The following SETD3 variants were observed in gnomAD, a reference collection of about 807,000 sequenced individuals.
SETD3 encodes actin-histidine N-methyltransferase.
Under a neutral mutation model 63.0 loss-of-function variants are expected in SETD3, and 19 were observed. The observed-to-expected ratio is 0.30, with a 90% CI of 0.21 to 0.44. The LOEUF (loss-of-function observed/expected upper bound fraction) is 0.44, where lower values mean the gene tolerates loss of function less well. SETD3 is among the 20% of genes least tolerant of loss of function. The pLI is 1.00. For synonymous variants in SETD3, 286 were observed against 264.1 expected (o/e 1.08, Z -0.80); for missense variants, 587 against 728.5 (o/e 0.81, Z 2.24).
At chr14:99,399,602 A>G (rs1595135136) in intron 12 of SETD3, among the ~76,000 whole-genome samples, 2 of 152,368 alleles carry the variant, frequency 1.3e-5, no homozygotes, top group South Asian at 4.1e-4. Flanking sequence ...ATAAAAAAGT[A>G]TTGAATAATC....
chr14:99,425,116 T>C (rs1487485414), intron 6 of SETD3, among the ~76,000 whole-genome samples: 1 of 152,164 alleles, frequency 6.6e-6, no homozygotes, highest in African/African-American at 2.4e-5. Context: ...TTCTTTTAAA[T>C]TAAACTGCAC....
chr14:99,442,301 ACTGAGTG>A (rs1191014928), intron 6 of SETD3, among the ~76,000 whole-genome samples: 1 of 152,228 alleles, frequency 6.6e-6, no homozygotes, highest in Non-Finnish European at 1.5e-5. Flanking sequence ...TGTTTTGGCT[ACTGAGTG>A]CTTTATTCAT....
chr14:99,430,658 G>A lies in SETD3; in HGVS notation c.676-16724C>T, dbSNP rs540559012. ...AGGGAGTTTGCTCTCAGGCCTCTAG[G>A]GGCTCACGTGGCGCCACTGAGGAAA... is the stretch of plus-strand genomic sequence containing the variant. On this transcript the variant is annotated intron_variant, in intron 6 of 12. Coordinates refer to ENST00000331768, the MANE Select transcript of SETD3 (RefSeq NM_032233.3). Among the ~76,000 whole-genome samples, 37 of 152,236 alleles carry A rather than the reference G, an allele frequency of 2.4e-4. No homozygotes were observed. The South Asian group carries it at 7.3e-3, about 30-fold the overall frequency.
intron 6 of SETD3, among the ~76,000 whole-genome samples, chr14:99,448,552 T>C (rs545374927): frequency 1.3e-5 from 2 of 152,308 alleles, no homozygotes; most frequent in South Asian, 2.1e-4. Flanking sequence ...CTATGCCCCA[T>C]AATATCTACC....
rs114979569 is a variant in SETD3 at position 99,437,662 on chromosome 14, T to G, written c.675+20617A>C. 9.3e-3 allele frequency among the ~76,000 whole-genome samples: 1,415 copies of G among 152,292 alleles called. 25 individuals are homozygous for G. Among genetic ancestry groups the G allele is most frequent in the African/African-American group, 0.033 (1,351 of 41,556 alleles). On this transcript the variant is annotated intron_variant, in intron 6 of 12. Coordinates refer to ENST00000331768, the MANE Select transcript of SETD3 (RefSeq NM_032233.3). The stretch of plus-strand genomic sequence containing the variant: ...GTGTGACTGTGTGATATGATGTGTG[T>G]GCGTGCCTGTACGTGTATACGTGTG...
chr14:99,430,186 G>T (rs568621173), intron 6 of SETD3, among the ~76,000 whole-genome samples: 2 of 152,326 alleles, frequency 1.3e-5, no homozygotes, highest in East Asian at 3.9e-4. Context: ...AGTAAAGAAA[G>T]ATCTCTGCTC....
Position 99,454,745 on chromosome 14 carries a change from G to A in SETD3, c.675+3534C>T, listed in dbSNP as rs368762093. ...ATACGGGAAGGAAGGCGCGGAGACC[G>A]GCCCAAAATGGCACAGTTCTAAGTG... On this transcript the variant is annotated intron_variant, in intron 6 of 12. Coordinates refer to ENST00000331768, the MANE Select transcript of SETD3 (RefSeq NM_032233.3). 3.2e-4 allele frequency among the ~76,000 whole-genome samples: 27 copies of A among 85,450 alleles called. No homozygotes were observed. In the East Asian group the frequency reaches 6.7e-3, roughly 21 times the overall value. 56.1% of individuals were successfully genotyped at this position (85,450 alleles called of 152,430 possible).
chr14:99,454,910 T>TA (rs1894671864), intron 6 of SETD3, among the ~76,000 whole-genome samples: 1 of 152,242 alleles, frequency 6.6e-6, no homozygotes, highest in African/African-American at 2.4e-5. Context: ...CCACAGGTGC[T>TA]ATGGCACCAG....
At position 99,421,135 on chromosome 14, in the gene SETD3, T is replaced by C. The variant is rs905824007; in HGVS notation, c.676-7201A>G. Among the ~76,000 whole-genome samples, 59 of 147,426 alleles carry C rather than the reference T, an allele frequency of 4.0e-4. 1 individual carries two copies. Among genetic ancestry groups the C allele is most frequent in the Non-Finnish European group, 7.4e-4 (50 of 67,308 alleles). ...ACGATGACCAAGCCTCATTCTCTGG[T>C]CTGCAAAAAGTCAACTCCACCAATC... is the stretch of plus-strand genomic sequence containing the variant. On this transcript the variant is annotated intron_variant, in intron 6 of 12. Coordinates refer to ENST00000331768, the MANE Select transcript of SETD3 (RefSeq NM_032233.3).
At chr14:99,450,609 A>G (rs1484418766) in intron 6 of SETD3, among the ~76,000 whole-genome samples, 1 of 152,182 alleles carries the variant, frequency 6.6e-6, no homozygotes, top group Non-Finnish European at 1.5e-5. Context: ...CTCCATCCTG[A>G]AGCATAAGGC....
At chr14:99,447,547 C>A (rs1391038060) in intron 6 of SETD3, among the ~76,000 whole-genome samples, 1 of 152,140 alleles carries the variant, frequency 6.6e-6, no homozygotes, top group Non-Finnish European at 1.5e-5. Flanking sequence ...ACACACTGAA[C>A]ACAAATTAAT....
chr14:99,458,429 A>G lies in SETD3; in HGVS notation c.525T>C (p.Tyr175=). 2 of 1,614,164 alleles carry G rather than the reference A, an allele frequency of 1.2e-6. No individual in the cohort carries two copies. Among genetic ancestry groups the G allele is most frequent in the Non-Finnish European group, 1.7e-6 (2 of 1,180,034 alleles). ...RASPNSFWQP[Y]IQTLPSEYDT... ...CATATTCACTGGGGAGGGTTTGAAT[A>G]TAGGGCTGCCAGAAGGAGTTAGGGC... Residue 175 remains tyrosine, a synonymous_variant, in exon 6 of 13, where the codon TAT becomes TAC. Coordinates refer to ENST00000331768, the MANE Select transcript of SETD3 (RefSeq NM_032233.3).
At chr14:99,450,112 A>G (rs1213222419) in intron 6 of SETD3, among the ~76,000 whole-genome samples, 1 of 152,198 alleles carries the variant, frequency 6.6e-6, no homozygotes, top group Non-Finnish European at 1.5e-5. Context: ...TATATAAAGC[A>G]TATGTGTATT....
intron 6 of SETD3, among the ~76,000 whole-genome samples, chr14:99,434,128 G>C (rs1893338437): frequency 6.6e-6 from 1 of 152,192 alleles, no homozygotes; most frequent in African/African-American, 2.4e-5. Flanking sequence ...AGCTTCACTT[G>C]TAATAGCCAA....
At position 99,413,860 on chromosome 14, in the gene SETD3, C is replaced by T. The variant is rs1483834811; in HGVS notation, c.734+16G>A. 2 of 1,613,812 alleles carry T rather than the reference C, an allele frequency of 1.2e-6. No individual in the cohort carries two copies. The highest frequency in any genetic ancestry group is 8.5e-7 in the Non-Finnish European group (1 of 1,179,696). On this transcript the variant is annotated intron_variant, in intron 7 of 12. Coordinates refer to ENST00000331768, the MANE Select transcript of SETD3 (RefSeq NM_032233.3). ...ACCACCCTCAATACACAGACACACT[C>T]ACAGCCCACACCAACCTGTAGTCCT...
At chr14:99,457,319 T>G (rs1595245624) in intron 6 of SETD3, among the ~76,000 whole-genome samples, 1 of 152,258 alleles carries the variant, frequency 6.6e-6, no homozygotes, top group Non-Finnish European at 1.5e-5. Context: ...ATTTTTGACA[T>G]ATTTGAAGTG....
chr14:99,464,856 T>G (rs1477754428), intron 2 of SETD3, among the ~76,000 whole-genome samples: 1 of 152,234 alleles, frequency 6.6e-6, no homozygotes. Flanking sequence ...AAAAATCAGA[T>G]ACACAGCCAG....
At chr14:99,443,255 A>AAT (rs1566713829) in intron 6 of SETD3, among the ~76,000 whole-genome samples, 10 of 108,760 alleles carry the variant, frequency 9.2e-5, no homozygotes, top group Non-Finnish European at 1.5e-4. Flanking sequence ...CTGAACTCCC[A>AAT]TTTTTTTTTT....
chr14:99,468,818 T>C (rs1329977505), intron 1 of SETD3, among the ~76,000 whole-genome samples: 1 of 152,214 alleles, frequency 6.6e-6, no homozygotes, highest in African/African-American at 2.4e-5. Flanking sequence ...TGGGCCCCAC[T>C]GTACTAAAAG....
Sources: allele counts gnomAD v4.1 joint callset (sites outside exome capture counted in the v4.1 genomes callset), GRCh38; gene constraint gnomAD v4.1.1; transcripts MANE v1.5; gene names NCBI Gene and HGNC (gene_info 2026-07-23, HGNC 2026-07-21).